The following CMIP variants were observed in gnomAD, a reference collection of about 807,000 sequenced individuals.
CMIP encodes the protein c-Maf inducing protein, also known as C-Maf-inducing protein.
In CMIP, 13 loss-of-function variants were observed where a neutral mutation model predicts 97.3. The observed-to-expected ratio is 0.13, with a 90% confidence interval of 0.09 to 0.21. The LOEUF is 0.21. Among genes scored for constraint, CMIP ranks in the 10% least tolerant of loss-of-function variants. The probability of loss-of-function intolerance (pLI) is 1.00; values close to 1 mark genes in which losing one functional copy is unlikely to be tolerated. For synonymous variants in CMIP, 538 were observed against 436.3 expected (o/e 1.23, Z -2.91); for missense variants, 847 against 1,024.9 (o/e 0.83, Z 2.37).
intron 1 of CMIP, among the ~76,000 whole-genome samples, chr16:81,581,888 T>C (rs1161620289): frequency 6.6e-6 from 1 of 152,172 alleles, no homozygotes; most frequent in Non-Finnish European, 1.5e-5. Flanking sequence ...CTTACCTTGC[T>C]CTAAAGAAAT....
rs543377252 is a variant in CMIP at position 81,678,637 on chromosome 16, C to A, written c.1388+9C>A. 7 of 1,417,008 alleles carry A rather than the reference C, an allele frequency of 4.9e-6. No individual in the cohort carries two copies. In the Admixed American group the frequency reaches 8.9e-5, roughly 18 times the overall value. The allele number at this position is 1,417,008 out of a possible 1,614,324, so 87.8% of individuals were successfully genotyped here. ...GAAATCCTCAAGCTGCTGTGAGTGC[C>A]CCCCCCGCGTGCCCGCCCCCGGGGC... On this transcript the variant is annotated intron_variant, in intron 10 of 20. Transcript: ENST00000537098.
At chr16:81,693,208 A>G in intron 12 of CMIP, 24 bp downstream of exon 12, 1 of 1,607,834 alleles carries the variant, frequency 6.2e-7, no homozygotes, top group Non-Finnish European at 8.5e-7. Context: ...CACCGCCCTC[A>G]TTCCATTCTG....
In CMIP at chr16:81,607,205, C is replaced by T. The variant is rs1449538630; in HGVS notation, c.301-362C>T. Among the ~76,000 whole-genome samples, 10 of 152,210 alleles carry T rather than the reference C, an allele frequency of 6.6e-5. No individual in the cohort carries two copies. The South Asian group carries it at 1.9e-3, about 28-fold the overall frequency. ...AGAAGAGAAATCGGTGCTTTCTGGG[C>T]AGGAGAAGGTGGTGGCTTATTGCTG... On this transcript the variant is annotated intron_variant, in intron 1 of 20. Coordinates refer to ENST00000537098, the MANE Select transcript of CMIP (RefSeq NM_198390.3).
intron 5 of CMIP, among the ~76,000 whole-genome samples, 193 bp from the exon 6 acceptor site, chr16:81,660,691 G>T (rs2092535595): frequency 6.6e-6 from 1 of 152,084 alleles, no homozygotes; most frequent in Non-Finnish European, 1.5e-5. Context: ...AACCCACACA[G>T]ACAGATACGG....
chr16:81,641,539 C>G (rs2092306966), intron 3 of CMIP, among the ~76,000 whole-genome samples: 2 of 152,294 alleles, frequency 1.3e-5, no homozygotes, highest in East Asian at 3.9e-4. Context: ...CCAAGGCCAG[C>G]TTATCTCCTT....
At chr16:81,457,182 G>T (rs531887114) in intron 1 of CMIP, among the ~76,000 whole-genome samples, 137 of 150,862 alleles carry the variant, frequency 9.1e-4, no homozygotes, top group African/African-American at 3.3e-3. Context: ...CGACCCCCCC[G>T]CCAGTCAGTG....
intron 1 of CMIP, among the ~76,000 whole-genome samples, chr16:81,509,056 C>T (rs186046283): frequency 1.1e-3 from 174 of 152,260 alleles, no homozygotes; most frequent in African/African-American, 4.0e-3. Context: ...GGAAGGGAAT[C>T]ATTCATTTTA....
intron 1 of CMIP, among the ~76,000 whole-genome samples, chr16:81,597,855 T>TC (rs1254567331): frequency 1.3e-5 from 2 of 151,404 alleles, no homozygotes; most frequent in East Asian, 1.9e-4. Flanking sequence ...ATCATCTGTC[T>TC]CCCCCCCAGC....
intron 13 of CMIP, 44 bp from the exon 14 acceptor site, chr16:81,696,516 G>A (rs759720383): frequency 3.6e-5 from 57 of 1,564,564 alleles, no homozygotes; most frequent in African/African-American, 5.4e-5. Context: ...CCTTGTCACC[G>A]GGGCTGCATG....
chr16:81,640,958 C>T (rs2092299820), intron 3 of CMIP, among the ~76,000 whole-genome samples: 1 of 152,160 alleles, frequency 6.6e-6, no homozygotes, highest in Non-Finnish European at 1.5e-5. Flanking sequence ...CAACCCACAA[C>T]ACCAGCTGTG....
intron 10 of CMIP, among the ~76,000 whole-genome samples, chr16:81,683,515 C>T (rs3863481): frequency 1.3e-5 from 2 of 151,956 alleles, no homozygotes; most frequent in Non-Finnish European, 2.9e-5. Flanking sequence ...TCAGCCTCCC[C>T]AGTAGCTAGG....
intron 9 of CMIP, among the ~76,000 whole-genome samples, chr16:81,673,385 G>A (rs1003618874): frequency 1.3e-5 from 2 of 152,156 alleles, no homozygotes; most frequent in Non-Finnish European, 2.9e-5. Context: ...GGGCATGGTG[G>A]TACATGACTG....
chr16:81,598,268 CA>C (rs2091597203), intron 1 of CMIP, among the ~76,000 whole-genome samples: 4 of 151,738 alleles, frequency 2.6e-5, no homozygotes, highest in African/African-American at 9.7e-5. Flanking sequence ...AGCTGACCAA[CA>C]GGAGGGTATC....
intron 9 of CMIP, among the ~76,000 whole-genome samples, chr16:81,673,286 C>T (rs993881810): frequency 5.3e-5 from 8 of 152,086 alleles, no homozygotes; most frequent in East Asian, 1.9e-4. Context: ...AAGGCCAAGG[C>T]GGGCAGATCA....
intron 9 of CMIP, among the ~76,000 whole-genome samples, chr16:81,676,003 G>A (rs1256391641): frequency 6.6e-6 from 1 of 152,220 alleles, no homozygotes; most frequent in Non-Finnish European, 1.5e-5. Context: ...ACAGTGGGTT[G>A]TAAGTGGAGA....
At chr16:81,498,194 C>T (rs2089528392) in intron 1 of CMIP, among the ~76,000 whole-genome samples, 1 of 152,214 alleles carries the variant, frequency 6.6e-6, no homozygotes, top group African/African-American at 2.4e-5. Flanking sequence ...TGTCTGAAAA[C>T]GTGGCTCCTT....
chr16:81,552,085 G>C (rs1203713679), intron 1 of CMIP, among the ~76,000 whole-genome samples: 1 of 152,176 alleles, frequency 6.6e-6, no homozygotes, highest in Non-Finnish European at 1.5e-5. Flanking sequence ...GGCTTTAGGA[G>C]GGACTTGTGT....
At chr16:81,469,786 A>C (rs1002298584) in intron 1 of CMIP, among the ~76,000 whole-genome samples, 1 of 152,216 alleles carries the variant, frequency 6.6e-6, no homozygotes, top group Admixed American at 6.5e-5. Context: ...GGAAAATGGG[A>C]TAATAACACC....
At chr16:81,543,962 A>G (rs1381679402) in intron 1 of CMIP, among the ~76,000 whole-genome samples, 2 of 152,252 alleles carry the variant, frequency 1.3e-5, no homozygotes, top group Non-Finnish European at 2.9e-5. Context: ...ACTTGGGAGA[A>G]CACAGCTATT....
Sources: allele counts gnomAD v4.1 joint callset (sites outside exome capture counted in the v4.1 genomes callset), GRCh38; gene constraint gnomAD v4.1.1; transcripts MANE v1.5; gene names NCBI Gene and HGNC (gene_info 2026-07-23, HGNC 2026-07-21).